TAS2R1: variants seen among roughly 807,000 people sequenced by gnomAD.
TAS2R1 encodes the protein taste receptor type 2 member 1.
For synonymous variants in TAS2R1, 141 were observed against 134.2 expected (o/e 1.05, Z -0.35); for missense variants, 370 against 353.4 (o/e 1.05, Z -0.38).
intron 1 of TAS2R1, among the ~76,000 whole-genome samples, chr5:9,689,066 G>T (rs1033505942): frequency 6.6e-6 from 1 of 152,136 alleles, no homozygotes; most frequent in Non-Finnish European, 1.5e-5. Context: ...CCTGCTTCAA[G>T]AAGCTTTTCC....
chr5:9,818,888 T>C, the TAS2R1 span, among the ~76,000 whole-genome samples: 1 of 152,144 alleles, frequency 6.6e-6, no homozygotes, highest in African/African-American at 2.4e-5. Flanking sequence ...ACTTCAAAAT[T>C]GTAAACACAA....
At chr5:9,752,885 T>G in the TAS2R1 span, among the ~76,000 whole-genome samples, 1 of 152,220 alleles carries the variant, frequency 6.6e-6, no homozygotes, top group Non-Finnish European at 1.5e-5. Context: ...AACTCATCCT[T>G]TTTCATGGCT....
At chr5:9,837,218 C>T in the TAS2R1 span, among the ~76,000 whole-genome samples, 1 of 152,120 alleles carries the variant, frequency 6.6e-6, no homozygotes, top group South Asian at 2.1e-4. Context: ...ACAGAGAGCT[C>T]CCACAGACTC....
chr5:9,765,846 T>C, the TAS2R1 span, among the ~76,000 whole-genome samples: 1 of 152,252 alleles, frequency 6.6e-6, no homozygotes, highest in Non-Finnish European at 1.5e-5. Context: ...TGTGTTTTCA[T>C]GTCCCACAAG....
chr5:9,868,977 T>C, the TAS2R1 span, among the ~76,000 whole-genome samples: 1 of 152,204 alleles, frequency 6.6e-6, no homozygotes, highest in Non-Finnish European at 1.5e-5. Context: ...CATATCACTA[T>C]CTGCATTTTG....
chr5:9,780,265 A>T, the TAS2R1 span, among the ~76,000 whole-genome samples: 353 of 152,282 alleles, frequency 2.3e-3, 2 homozygotes, highest in African/African-American at 8.2e-3. Flanking sequence ...TTCTTTGCTT[A>T]ACTTCTCTTC....
At chr5:9,705,134 A>C (rs1470829271) in intron 1 of TAS2R1, among the ~76,000 whole-genome samples, 1 of 150,256 alleles carries the variant, frequency 6.7e-6, no homozygotes, top group African/African-American at 2.5e-5. Context: ...AATTACCGCA[A>C]AAAAAAAATC....
the TAS2R1 span, among the ~76,000 whole-genome samples, chr5:9,818,591 T>C: frequency 1.3e-5 from 2 of 152,202 alleles, no homozygotes; most frequent in African/African-American, 2.4e-5. Context: ...TGTCTCCCTC[T>C]TCATACAGCA....
chr5:9,891,266 A>G, the TAS2R1 span, among the ~76,000 whole-genome samples: 10 of 152,188 alleles, frequency 6.6e-5, no homozygotes, highest in Non-Finnish European at 1.5e-4. Flanking sequence ...ATTAAGCAGG[A>G]CGTTAAAGAG....
the TAS2R1 span, among the ~76,000 whole-genome samples, chr5:9,806,821 C>A: frequency 6.6e-6 from 1 of 152,088 alleles, no homozygotes; most frequent in Non-Finnish European, 1.5e-5. Context: ...ATCAGAAAAA[C>A]TCTTCTAGAC....
chr5:9,842,772 T>C, the TAS2R1 span, among the ~76,000 whole-genome samples: 2 of 152,038 alleles, frequency 1.3e-5, no homozygotes, highest in African/African-American at 4.8e-5. Context: ...AAACCTTTAC[T>C]GTTTACTAGG....
At chr5:9,726,669 T>C in the TAS2R1 span, among the ~76,000 whole-genome samples, 2 of 152,186 alleles carry the variant, frequency 1.3e-5, no homozygotes, top group African/African-American at 4.8e-5. Flanking sequence ...ACGCGCCACC[T>C]TAAGAGCTGT....
intron 2 of TAS2R1, among the ~76,000 whole-genome samples, chr5:9,655,857 CT>C (rs201494790): frequency 0.057 from 7,935 of 139,412 alleles, 546 homozygotes; most frequent in East Asian, 0.33. Context: ...GTGGTTTTCT[CT>C]TTTTTTTTTT....
chr5:9,846,764 T>C, the TAS2R1 span, among the ~76,000 whole-genome samples: 2 of 152,068 alleles, frequency 1.3e-5, no homozygotes, highest in East Asian at 3.9e-4. Flanking sequence ...GGCTCAGAAG[T>C]TCAAAATAAC....
At chr5:9,824,623 G>T in the TAS2R1 span, among the ~76,000 whole-genome samples, 8,537 of 152,130 alleles carry the variant, frequency 0.056, 509 homozygotes, top group East Asian at 0.2. Flanking sequence ...GAGGCAGGTG[G>T]ATCACCTGAG....
the TAS2R1 span, among the ~76,000 whole-genome samples, chr5:9,888,780 G>A: frequency 6.6e-6 from 1 of 152,214 alleles, no homozygotes; most frequent in Admixed American, 6.5e-5. Flanking sequence ...ATGACTCACA[G>A]AGGAGGCAAG....
the TAS2R1 span, among the ~76,000 whole-genome samples, chr5:9,891,400 G>A: frequency 2.0e-5 from 3 of 152,126 alleles, no homozygotes; most frequent in South Asian, 2.1e-4. Flanking sequence ...TTTGTCTTTA[G>A]TGAATTATTA....
the TAS2R1 span, among the ~76,000 whole-genome samples, chr5:9,754,713 G>A: frequency 0.42 from 63,545 of 151,890 alleles, 13,620 homozygotes; most frequent in East Asian, 0.63. Flanking sequence ...TTCAAGGAGA[G>A]CTACAAACCA....
the TAS2R1 span, among the ~76,000 whole-genome samples, chr5:9,834,928 C>T: frequency 1.3e-5 from 2 of 152,130 alleles, no homozygotes; most frequent in Non-Finnish European, 2.9e-5. Context: ...AATCATAAAA[C>T]GAGCCTAATG....
Sources: allele counts gnomAD v4.1 joint callset (sites outside exome capture counted in the v4.1 genomes callset), GRCh38; gene constraint gnomAD v4.1.1; transcripts MANE v1.5; gene names NCBI Gene and HGNC (gene_info 2026-07-23, HGNC 2026-07-21).